The following RCN1 variants were observed in gnomAD, a reference collection of about 807,000 sequenced individuals.
The protein encoded by RCN1 is reticulocalbin-1.
A neutral mutation model predicts 34.7 loss-of-function variants in RCN1; 14 were observed. That is an observed-to-expected ratio of 0.40 (90% confidence interval 0.27 to 0.63). RCN1 has a LOEUF of 0.63. Ranked by LOEUF, RCN1 falls within the 30% of genes least tolerant of loss-of-function variation. RCN1 has a pLI of 0.37. For synonymous variants in RCN1, 125 were observed against 165.5 expected (o/e 0.76, Z 1.88); for missense variants, 326 against 425.1 (o/e 0.77, Z 2.05).
chr11:32,104,200 A>G (rs1344841471), intron 5 of RCN1, among the ~76,000 whole-genome samples, 165 bp from the exon 6 acceptor site: 2 of 152,190 alleles, frequency 1.3e-5, no homozygotes, highest in Non-Finnish European at 2.9e-5. Flanking sequence ...TCCGATTTGG[A>G]GTTTTGCAAT....
intron 2 of RCN1, among the ~76,000 whole-genome samples, chr11:32,097,664 C>T (rs1851989057): frequency 6.6e-6 from 1 of 152,176 alleles, no homozygotes; most frequent in African/African-American, 2.4e-5. Context: ...AAAATGCTGC[C>T]TAATTCTGGA....
intron 1 of RCN1, among the ~76,000 whole-genome samples, chr11:32,092,292 G>A (rs1851931509): frequency 1.3e-5 from 2 of 152,126 alleles, no homozygotes; most frequent in East Asian, 3.9e-4. Context: ...GGGCTAGAGT[G>A]AGACTCCATC....
intron 3 of RCN1, among the ~76,000 whole-genome samples, chr11:32,099,320 C>CAA (rs201133722): frequency 1.7e-5 from 2 of 120,910 alleles, no homozygotes; most frequent in Non-Finnish European, 1.8e-5. Context: ...GACTCCTTCT[C>CAA]AAAAAAAAAA....
intron 4 of RCN1, chr11:32,103,026 C>G (rs1402861768): frequency 3.2e-5 from 19 of 591,982 alleles, no homozygotes; most frequent in Non-Finnish European, 3.2e-6. Flanking sequence ...CAGGCTCAGT[C>G]ACTGAACTAA....
At chr11:32,091,599 C>T in intron 1 of RCN1, 149 bp downstream of exon 1, 1 of 1,003,232 alleles carries the variant, frequency 1.0e-6, no homozygotes, top group South Asian at 1.9e-5. Flanking sequence ...GGCGCTGGGG[C>T]TCAGGCTAAC....
rs560148152 is a variant in RCN1, at chr11:32,095,532, C to T, written c.255-1612C>T. Among the ~76,000 whole-genome samples, 22 of 152,238 alleles carry T rather than the reference C, an allele frequency of 1.4e-4. No individual in the cohort carries two copies. The South Asian group carries it at 1.5e-3, about 10-fold the overall frequency. On this transcript the variant is annotated intron_variant, in intron 1 of 5. Transcript: ENST00000054950. ...ACGCCATTCTCCTGCTTCAGCCTCC[C>T]GAGTAGCTGGGACTACAGGCACCCG...
intron 4 of RCN1, among the ~76,000 whole-genome samples, chr11:32,101,257 C>G (rs1418547679): frequency 6.6e-6 from 1 of 151,530 alleles, no homozygotes; most frequent in Non-Finnish European, 1.5e-5. Flanking sequence ...CAGCCCAACC[C>G]CCCGCTAGAA....
rs1471673615 is a variant in RCN1, at chr11:32,104,802, T to C, written c.*330T>C. 4.2e-6 allele frequency: 1 copy of C among 238,546 alleles called. No individual in the cohort carries two copies. The highest frequency in any genetic ancestry group is 8.7e-6 in the Non-Finnish European group (1 of 114,454). 14.8% of individuals were successfully genotyped at this position (238,546 alleles called of 1,614,324 possible). A position where few individuals can be genotyped will look rare whatever the true frequency, so the allele number is the denominator to read the frequency against. ...TGAAAAAGCCCTGTTCTTCAGAAGG[T>C]GAGTGGGTTGAGGGAGGCAGTAATA... On this transcript the variant is annotated 3_prime_UTR_variant, in exon 6 of 6. Transcript: ENST00000054950.
At chr11:32,098,057 G>A (rs1460654425) in intron 2 of RCN1, among the ~76,000 whole-genome samples, 2 of 152,202 alleles carry the variant, frequency 1.3e-5, no homozygotes, top group African/African-American at 4.8e-5. Flanking sequence ...CTAAGAATGA[G>A]ATGATGAAAG....
chr11:32,104,653 T>C lies in RCN1; in HGVS notation c.*181T>C. 2.0e-6 allele frequency: 1 copy of C among 492,866 alleles called. No homozygotes were observed. 30.5% of individuals were successfully genotyped at this position (492,866 alleles called of 1,614,324 possible). The stretch of plus-strand genomic sequence containing the variant: ...CTGGAAAATGGACATCACTAGTCTT[T>C]CAGTAAGATTTCTCTCAAAACACGT... On this transcript the variant is annotated 3_prime_UTR_variant, in exon 6 of 6. Transcript: ENST00000054950.
chr11:32,099,775 T>C (rs1399221016), intron 3 of RCN1, among the ~76,000 whole-genome samples: 1 of 152,222 alleles, frequency 6.6e-6, no homozygotes, highest in Non-Finnish European at 1.5e-5. Context: ...CCACTCATGC[T>C]TCATCCTCCT....
chr11:32,103,950 TAAAC>T (rs1294225451), intron 5 of RCN1, among the ~76,000 whole-genome samples: 3 of 152,202 alleles, frequency 2.0e-5, no homozygotes, highest in African/African-American at 7.2e-5. Context: ...AACATCCAAA[TAAAC>T]AAATCAATAC....
At chr11:32,102,105 C>T (rs910964397) in intron 4 of RCN1, 2 of 152,080 alleles carry the variant, frequency 1.3e-5, no homozygotes, top group East Asian at 1.9e-4. Flanking sequence ...TTTCACTTCT[C>T]GGGGAGGCTT....
At chr11:32,101,374 C>T (rs1392958201) in intron 4 of RCN1, among the ~76,000 whole-genome samples, 4 of 152,106 alleles carry the variant, frequency 2.6e-5, no homozygotes, top group Non-Finnish European at 5.9e-5. Flanking sequence ...TTTCCCAAGT[C>T]TCAATAAAGT....
At chr11:32,094,454 G>T (rs1021892279) in intron 1 of RCN1, among the ~76,000 whole-genome samples, 6 of 152,102 alleles carry the variant, frequency 3.9e-5, no homozygotes, top group African/African-American at 1.4e-4. Flanking sequence ...CAGCAGAGTC[G>T]GCCAGCCCTA....
chr11:32,093,527 A>G (rs1459843621), intron 1 of RCN1, among the ~76,000 whole-genome samples: 1 of 152,154 alleles, frequency 6.6e-6, no homozygotes, highest in Non-Finnish European at 1.5e-5. Context: ...CTGTCACCTG[A>G]TCAGAGTTTG....
In RCN1 at chr11:32,091,077, C is replaced by A; in HGVS notation, c.-120C>A. 3 of 1,166,102 alleles carry A rather than the reference C, an allele frequency of 2.6e-6. No individual in the cohort carries two copies. The highest frequency in any genetic ancestry group is 1.6e-5 in the African/African-American group (1 of 61,176). The allele number at this position is 1,166,102 out of a possible 1,614,324, so 72.2% of individuals were successfully genotyped here. On this transcript the variant is annotated 5_prime_UTR_variant, in exon 1 of 6. Transcript: ENST00000054950. ...GGCACTGGCGGAGGGACTGGCCAGT[C>A]CCCTCCTCCGCGCCGGCCCCAACCC...
Position 32,103,259 on chromosome 11 carries a change from C to T in RCN1, c.689-22C>T, listed in dbSNP as rs765277069. On this transcript the variant is annotated intron_variant, in intron 4 of 5. Coordinates refer to ENST00000054950, the MANE Select transcript of RCN1 (RefSeq NM_002901.4). ...TTACCTTCCCACTTTCCTTTGTAAC[C>T]AACAATAACCTTCCCTTCTAGCGGA... 1.5e-5 allele frequency: 24 copies of T among 1,610,580 alleles called. No individual in the cohort carries two copies. In the African/African-American group the frequency reaches 2.9e-4, roughly 20 times the overall value.
At position 32,091,187 on chromosome 11, in the gene RCN1, C is replaced by A. The variant is rs1396930930; in HGVS notation, c.-10C>A. 1.4e-6 allele frequency: 2 copies of A among 1,425,030 alleles called. No individual in the cohort carries two copies. The allele number at this position is 1,425,030 out of a possible 1,614,324, so 88.3% of individuals were successfully genotyped here. On this transcript the variant is annotated 5_prime_UTR_variant, in exon 1 of 6. Coordinates refer to ENST00000054950, the MANE Select transcript of RCN1 (RefSeq NM_002901.4). ...AGCGTCTCCCTCTCGGCCGCCCTCT[C>A]CTCGGGACGATGGCGCGCGGTGGCC...
Sources: gnomAD v4.1 joint callset for allele counts (sites outside exome capture counted in the v4.1 genomes callset) on GRCh38, gnomAD v4.1.1 for gene constraint, MANE v1.5 for transcripts, NCBI Gene and HGNC (gene_info 2026-07-23, HGNC 2026-07-21) for gene names.